The following TNRC6A variants were observed in gnomAD, a reference collection of about 807,000 sequenced individuals.
TNRC6A encodes trinucleotide repeat containing adaptor 6A.
TNRC6A carries 44 observed loss-of-function variants against 221.2 expected under a neutral mutation model. That is an observed-to-expected ratio of 0.20 (90% CI 0.16 to 0.26). TNRC6A has a LOEUF of 0.26. Among genes scored for constraint, TNRC6A ranks in the 10% least tolerant of loss-of-function variants. The pLI, the probability that TNRC6A is intolerant of heterozygous loss-of-function variation, is 1.00. For missense variants in TNRC6A, 2,199 were observed against 2,404.4 expected, an observed-to-expected ratio of 0.91 and a Z score of 1.79; for synonymous variants, 847 against 838.5, an observed-to-expected ratio of 1.01 and a Z score of -0.18.
At chr16:24,616,183 A>G (rs1596537307) in intron 1 of TNRC6A, among the ~76,000 whole-genome samples, 1 of 151,812 alleles carries the variant, frequency 6.6e-6, no homozygotes, top group East Asian at 1.9e-4. Flanking sequence ...AAAATTTGCC[A>G]GGCGTGGTGG....
intron 5 of TNRC6A, among the ~76,000 whole-genome samples, chr16:24,783,106 A>C (rs1301771183): frequency 6.6e-6 from 1 of 152,072 alleles, no homozygotes; most frequent in African/African-American, 2.4e-5. Context: ...ATGGATCTAA[A>C]TTCTTCCTGA....
At position 24,824,126 on chromosome 16, in the gene TNRC6A, A is replaced by ACCCCCCCCC. The variant is rs55802473; in HGVS notation, c.*322_*330dup. The ACCCCCCCCC allele has an allele frequency of 1.5e-4, 4 of 25,978 alleles. No individual in the cohort carries two copies. Among genetic ancestry groups the ACCCCCCCCC allele is most frequent in the African/African-American group, 4.1e-4 (3 of 7,240 alleles). 1.6% of individuals were successfully genotyped at this position (25,978 alleles called of 1,614,324 possible). ...TTTTTTTTCCTTCTATTCCTCCCCA[A>ACCCCCCCCC]CCCCCCCCCCCGCCCCTTTTTTTCT... On this transcript the variant is annotated 3_prime_UTR_variant, in exon 25 of 25. Transcript: ENST00000395799.
intron 4 of TNRC6A, among the ~76,000 whole-genome samples, chr16:24,766,983 T>C (rs1391115370): frequency 1.3e-5 from 2 of 152,196 alleles, no homozygotes; most frequent in African/African-American, 2.4e-5. Context: ...GGCCACACTT[T>C]TTTCTTTTTA....
chr16:24,660,844 C>T (rs1222277926), intron 2 of TNRC6A, among the ~76,000 whole-genome samples: 1 of 150,032 alleles, frequency 6.7e-6, no homozygotes, highest in East Asian at 2.0e-4. Context: ...CGGGTTCACG[C>T]CATTCTCCTG....
At position 24,745,800 on chromosome 16, in the gene TNRC6A, C is replaced by CGT. The variant is rs1567416223; in HGVS notation, c.54-4926_54-4925insGT. On this transcript the variant is annotated intron_variant, in intron 2 of 24. Coordinates refer to ENST00000395799, the MANE Select transcript of TNRC6A (RefSeq NM_014494.4). ...GAGACTACAGGTATGTACCATCCCC[C>CGT]CCCCCCCCAGCTAATTGTTAGGATA... 8.3e-5 allele frequency among the ~76,000 whole-genome samples: 12 copies of CGT among 144,072 alleles called. No homozygotes were observed. In the East Asian group the frequency reaches 1.9e-3, roughly 22 times the overall value. The allele number at this position is 144,072 out of a possible 152,430, so 94.5% of individuals were successfully genotyped here.
At chr16:24,776,171 G>C in intron 4 of TNRC6A, 2 of 788,262 alleles carry the variant, frequency 2.5e-6, no homozygotes, top group South Asian at 5.8e-5. Context: ...CTCCAACTGG[G>C]TTTACTTACA....
chr16:24,785,393 A>G (rs538660757), intron 5 of TNRC6A, among the ~76,000 whole-genome samples: 65 of 152,352 alleles, frequency 4.3e-4, no homozygotes, highest in African/African-American at 1.5e-3. Flanking sequence ...AGTGTCTTCT[A>G]TAGCCAGCAA....
At chr16:24,630,213 T>C (rs1901262676) in intron 1 of TNRC6A, among the ~76,000 whole-genome samples, 1 of 152,164 alleles carries the variant, frequency 6.6e-6, no homozygotes, top group South Asian at 2.1e-4. Flanking sequence ...TCCATAGACC[T>C]CCTTAGGCCA....
intron 2 of TNRC6A, among the ~76,000 whole-genome samples, chr16:24,732,810 C>T (rs1301501541): frequency 6.6e-6 from 1 of 152,182 alleles, no homozygotes; most frequent in Non-Finnish European, 1.5e-5. Context: ...CCAGATATTG[C>T]TAGATGTCCC....
At chr16:24,792,949 C>G (rs1258805033) in intron 6 of TNRC6A, among the ~76,000 whole-genome samples, 1 of 151,980 alleles carries the variant, frequency 6.6e-6, no homozygotes, top group Admixed American at 6.6e-5. Flanking sequence ...CCACCACGCC[C>G]AGCTAATCTT....
chr16:24,691,256 C>T lies in TNRC6A; in HGVS notation n.402+50247C>T, dbSNP rs549431493. On this transcript the variant is annotated intron_variant and non_coding_transcript_variant, in intron 2 of 2. Transcript: ENST00000566108. ...TTTTAGAAACAGAGTCTTCCTCTATCACCCAGGCTGGGGTGCAGTGGTGCA... is the reference window on the plus strand; with the variant it reads ...TTTTAGAAACAGAGTCTTCCTCTATTACCCAGGCTGGGGTGCAGTGGTGCA... Among the ~76,000 whole-genome samples, 8 of 152,200 alleles carry T rather than the reference C, an allele frequency of 5.3e-5. No individual in the cohort carries two copies. The South Asian group carries it at 1.7e-3, about 32-fold the overall frequency.
At chr16:24,776,288 A>G (rs1315399024) in intron 4 of TNRC6A, 64 of 985,054 alleles carry the variant, frequency 6.5e-5, no homozygotes, top group Non-Finnish European at 7.7e-5. Flanking sequence ...TTTAAGATAG[A>G]GCATCCAGAT....
At chr16:24,671,282 T>G (rs563273043) in intron 2 of TNRC6A, among the ~76,000 whole-genome samples, 1 of 152,230 alleles carries the variant, frequency 6.6e-6, no homozygotes, top group African/African-American at 2.4e-5. Flanking sequence ...GGCTAAGAGA[T>G]TCATACGGCT....
intron 12 of TNRC6A, 80 bp from the exon 13 acceptor site, chr16:24,804,625 C>T (rs2058393319): frequency 6.6e-7 from 1 of 1,513,636 alleles, no homozygotes; most frequent in Non-Finnish European, 8.8e-7. Context: ...CATGTGACTT[C>T]TCTTCTGTTC....
intron 2 of TNRC6A, among the ~76,000 whole-genome samples, chr16:24,743,384 A>C (rs1416068215): frequency 6.6e-6 from 1 of 152,028 alleles, no homozygotes; most frequent in Non-Finnish European, 1.5e-5. Context: ...TGCAGTGTGG[A>C]ATGATCTTAG....
At chr16:24,807,908 G>A (rs1378855802) in intron 17 of TNRC6A, among the ~76,000 whole-genome samples, 1 of 152,208 alleles carries the variant, frequency 6.6e-6, no homozygotes, top group Non-Finnish European at 1.5e-5. Context: ...GGCAGAGGCT[G>A]GGGCATGCTG....
intron 18 of TNRC6A, among the ~76,000 whole-genome samples, chr16:24,812,882 T>G (rs2058576476): frequency 7.0e-6 from 1 of 142,264 alleles, no homozygotes; most frequent in Non-Finnish European, 1.5e-5. Context: ...TTGGGCTTTT[T>G]TTTTTTTTTT....
chr16:24,738,072 G>A (rs1044313938), intron 2 of TNRC6A, among the ~76,000 whole-genome samples: 6 of 152,122 alleles, frequency 3.9e-5, no homozygotes, highest in South Asian at 2.1e-4. Context: ...CAGGTTAATC[G>A]TCCTCGAGCC....
chr16:24,758,309 T>G, intron 3 of TNRC6A, 30 bp from the exon 4 acceptor site: 1 of 1,593,218 alleles, frequency 6.3e-7, no homozygotes, highest in South Asian at 1.1e-5. Flanking sequence ...CATATTTACA[T>G]TGTTTTTTGT....
Sources: allele counts gnomAD v4.1 joint callset (sites outside exome capture counted in the v4.1 genomes callset), GRCh38; gene constraint gnomAD v4.1.1; transcripts MANE v1.5; gene names NCBI Gene and HGNC (gene_info 2026-07-23, HGNC 2026-07-21).